Variants in RBM25 observed in about 807,000 individuals in gnomAD.
The protein encoded by RBM25 is RNA-binding protein 25.
Under a neutral mutation model 120.7 loss-of-function variants are expected in RBM25, and 19 were observed. That is an observed-to-expected ratio of 0.16 (90% CI 0.11 to 0.23). The LOEUF (loss-of-function observed/expected upper bound fraction) is 0.23. Among genes scored for constraint, RBM25 ranks in the 10% least tolerant of loss-of-function variants. The probability of loss-of-function intolerance (pLI) is 1.00; values close to 1 mark genes in which losing one functional copy is unlikely to be tolerated. For synonymous variants in RBM25, 390 were observed against 326.7 expected, an observed-to-expected ratio of 1.19 and a Z score of -2.09; for missense variants, 605 against 1,041.5, an observed-to-expected ratio of 0.58 and a Z score of 5.77.
At chr14:73,059,585 G>C (rs771366843) in intron 1 of RBM25, among the ~76,000 whole-genome samples, 18 of 152,138 alleles carry the variant, frequency 1.2e-4, no homozygotes, top group Non-Finnish European at 2.6e-4. Flanking sequence ...TTGGACCTCT[G>C]TTGCACCCTA....
intron 1 of RBM25, among the ~76,000 whole-genome samples, chr14:73,059,042 T>C (rs1399326944): frequency 6.6e-6 from 1 of 152,050 alleles, no homozygotes; most frequent in Non-Finnish European, 1.5e-5. Context: ...TACAAAACGA[T>C]CGATCTGCCC....
At chr14:73,069,762 A>T (rs1329583040) in intron 1 of RBM25, 2 of 133,716 alleles carry the variant, frequency 1.5e-5, no homozygotes, top group African/African-American at 6.7e-5. Flanking sequence ...AAAAAAAAAA[A>T]AAAAAAAAAA....
At chr14:73,074,636 G>C (rs927424276) in intron 2 of RBM25, among the ~76,000 whole-genome samples, 2 of 152,112 alleles carry the variant, frequency 1.3e-5, no homozygotes, top group African/African-American at 2.4e-5. Flanking sequence ...GATGGTTATG[G>C]AGAATCTGTG....
chr14:73,080,965 T>C (rs1594907107), intron 4 of RBM25, among the ~76,000 whole-genome samples: 1 of 150,184 alleles, frequency 6.7e-6, no homozygotes, highest in African/African-American at 2.5e-5. Context: ...GCTGGGATTA[T>C]GGATGCCTGC....
At chr14:73,095,606 C>CAAA (rs202107039) in intron 6 of RBM25, among the ~76,000 whole-genome samples, 1 of 128,808 alleles carries the variant, frequency 7.8e-6, no homozygotes. Flanking sequence ...GACTCCGCCT[C>CAAA]AAAAAAAAAA....
Position 73,062,671 on chromosome 14 carries a change from C to G in RBM25, c.-16+3966C>G, listed in dbSNP as rs1405665791. 3.3e-5 allele frequency among the ~76,000 whole-genome samples: 5 copies of G among 151,340 alleles called. 1 individual carries two copies. Among genetic ancestry groups the G allele is most frequent in the Admixed American group, 6.6e-5 (1 of 15,162 alleles). On this transcript the variant is annotated intron_variant, in intron 1 of 18. Coordinates refer to ENST00000261973, the MANE Select transcript of RBM25 (RefSeq NM_021239.3). Reference sequence around the variant, plus strand: ...CATATGTTGAGTACTAGAGATATGTCTTCAGGGTTTCTTTTTGGACCAGAT... The same window carrying G: ...CATATGTTGAGTACTAGAGATATGTGTTCAGGGTTTCTTTTTGGACCAGAT...
At position 73,065,429 on chromosome 14, in the gene RBM25, AT is replaced by A. The variant is rs112029341; in HGVS notation, c.-15-6184del. On this transcript the variant is annotated intron_variant, in intron 1 of 18. Coordinates refer to ENST00000261973, the MANE Select transcript of RBM25 (RefSeq NM_021239.3). ...AGGGGTGAGCCACTGTGCCCAGCTA[AT>A]TTTTTTTTTTTTTGAAACTGAGTCT... is the stretch of plus-strand genomic sequence containing the variant. 6.8e-3 allele frequency among the ~76,000 whole-genome samples: 906 copies of A among 133,804 alleles called. 6 individuals carry two copies. The highest frequency in any genetic ancestry group is 0.018 in the African/African-American group (636 of 36,306). 87.8% of individuals were successfully genotyped at this position (133,804 alleles called of 152,430 possible).
Position 73,121,236 on chromosome 14 carries a change from A to T in RBM25, c.*1431A>T, listed in dbSNP as rs1896536121. 1 of 152,562 alleles carries T rather than the reference A, an allele frequency of 6.6e-6. No individual in the cohort carries two copies. The highest frequency in any genetic ancestry group is 6.5e-5 in the Admixed American group (1 of 15,274). The allele number at this position is 152,562 out of a possible 1,614,324, so 9.5% of individuals were successfully genotyped here. A position where few individuals can be genotyped will look rare whatever the true frequency, so the allele number is the denominator to read the frequency against. On this transcript the variant is annotated 3_prime_UTR_variant, in exon 19 of 19. Transcript: ENST00000261973. ...AAACACACCTGGAGAGGACATTTGA[A>T]AACACTGTTCTTACCCTCGAACCCT...
At chr14:73,081,648 G>A (rs200875189) in intron 4 of RBM25, among the ~76,000 whole-genome samples, 4 of 152,160 alleles carry the variant, frequency 2.6e-5, no homozygotes, top group African/African-American at 9.7e-5. Flanking sequence ...GTATATATGG[G>A]TATGTGGTTG....
rs532548947 is a variant in RBM25 at position 73,103,248 on chromosome 14, A to C, written c.924A>C (p.Glu308Asp). The change falls in exon 10 of 19, where the codon GAA becomes GAC. Residue 308 changes from glutamate to aspartate, a missense_variant. By Grantham distance (45) the Glu-to-Asp change is conservative. This residue lies in a region of RBM25 where 465 missense variants were observed against 741.6 expected (regional missense o/e 0.63). Transcript: ENST00000261973. ...AAGAAAGACAGGAAATTGAGAAAGAACGGAGAGAAAGAGAGAGGGAGCGTG... is the reference window on the plus strand; with the variant it reads ...AAGAAAGACAGGAAATTGAGAAAGACCGGAGAGAAAGAGAGAGGGAGCGTG... ...KEKERQEIEK[E>D]RRERERERER... 1 of 1,605,230 alleles carries C rather than the reference A, an allele frequency of 6.2e-7. No homozygotes were observed. Among genetic ancestry groups the C allele is most frequent in the East Asian group, 2.2e-5 (1 of 44,676 alleles).
chr14:73,063,384 C>T (rs796933342), intron 1 of RBM25, among the ~76,000 whole-genome samples: 2 of 151,092 alleles, frequency 1.3e-5, no homozygotes, highest in African/African-American at 4.8e-5. Flanking sequence ...CTCCTGACTT[C>T]GTGATCCACC....
Position 73,088,174 on chromosome 14 carries a change from T to C in RBM25, c.543+13T>C, listed in dbSNP as rs1895732873. The C allele has an allele frequency of 6.2e-7, 1 of 1,613,574 alleles. No homozygotes were observed. Among genetic ancestry groups the C allele is most frequent in the Admixed American group, 1.7e-5 (1 of 59,892 alleles). On this transcript the variant is annotated intron_variant, in intron 6 of 18. Coordinates refer to ENST00000261973, the MANE Select transcript of RBM25 (RefSeq NM_021239.3). ...AGCTTCTAATGGGGTATGTTTTCTG[T>C]CGTGTTATCTTTTCTAGGCCAGACT...
chr14:73,104,291 A>G (rs955541674), intron 10 of RBM25, among the ~76,000 whole-genome samples: 3 of 151,716 alleles, frequency 2.0e-5, no homozygotes, highest in Non-Finnish European at 2.9e-5. Flanking sequence ...TAAATTTACT[A>G]TCTACCTCTA....
In RBM25 at chr14:73,119,867, A is replaced by T. The variant is rs1896509447; in HGVS notation, c.*62A>T. The T allele has an allele frequency of 3.2e-6, 5 of 1,543,170 alleles. No individual in the cohort carries two copies. The highest frequency in any genetic ancestry group is 4.3e-6 in the Non-Finnish European group (5 of 1,156,714). Reference sequence around the variant, plus strand: ...CTTTGCCACCCTTTTAAGGACTTTGAATTTTTCTTTGTCTTTGAAGACATT... The same window carrying T: ...CTTTGCCACCCTTTTAAGGACTTTGTATTTTTCTTTGTCTTTGAAGACATT... On this transcript the variant is annotated 3_prime_UTR_variant, in exon 19 of 19. Coordinates refer to ENST00000261973, the MANE Select transcript of RBM25 (RefSeq NM_021239.3).
In RBM25 at chr14:73,120,080, C is replaced by G; in HGVS notation, c.*275C>G. On this transcript the variant is annotated 3_prime_UTR_variant, in exon 19 of 19. Transcript: ENST00000261973. ...CTGTACACAGCCTATCTGATATAAT[C>G]TTGTTCTGCTGATTTGTTTCTTGTA... The G allele has an allele frequency of 8.4e-6, 2 of 239,094 alleles. No homozygotes were observed. The highest frequency in any genetic ancestry group is 1.6e-5 in the Non-Finnish European group (2 of 126,878). The allele number at this position is 239,094 out of a possible 1,614,324, so 14.8% of individuals were successfully genotyped here. A position where few individuals can be genotyped will look rare whatever the true frequency, so the allele number is the denominator to read the frequency against.
intron 6 of RBM25, among the ~76,000 whole-genome samples, chr14:73,094,808 G>A (rs913263400): frequency 1.5e-4 from 17 of 114,668 alleles, no homozygotes; most frequent in Non-Finnish European, 3.6e-5. Flanking sequence ...TTACAGGAGC[G>A]AGGTGTGTGT....
At chr14:73,094,175 G>A (rs546755379) in intron 6 of RBM25, among the ~76,000 whole-genome samples, 3 of 149,608 alleles carry the variant, frequency 2.0e-5, no homozygotes, top group Non-Finnish European at 4.5e-5. Flanking sequence ...GGATGGTCTC[G>A]ATCTCCTGAC....
chr14:73,076,152 C>G (rs914694353), intron 2 of RBM25, among the ~76,000 whole-genome samples, 167 bp from the exon 3 acceptor site: 25 of 152,176 alleles, frequency 1.6e-4, no homozygotes, highest in African/African-American at 5.8e-4. Flanking sequence ...ATGGACCAAC[C>G]TGATACCACA....
rs771203259 is a variant in RBM25, at chr14:73,071,660, T to G, written c.19T>G (p.Leu7Val). MSFPPH[L>V]NRPPMGIPAL... ...AGTAAGAATGTCTTTTCCACCTCATTTGAATCGCCCTCCCATGGGAATCCC... is the reference window on the plus strand; with the variant it reads ...AGTAAGAATGTCTTTTCCACCTCATGTGAATCGCCCTCCCATGGGAATCCC... The change falls in exon 2 of 19, where the codon TTG (leucine) becomes GTG (valine). Residue 7 changes from leucine (L) to valine (V), a missense_variant. Leu to Val is a conservative substitution (Grantham distance 32, BLOSUM62 1). Coordinates refer to ENST00000261973, the MANE Select transcript of RBM25 (RefSeq NM_021239.3). 4 of 1,613,768 alleles carry G rather than the reference T, an allele frequency of 2.5e-6. No homozygotes were observed. The highest frequency in any genetic ancestry group is 3.4e-6 in the Non-Finnish European group (4 of 1,179,752).
Sources: gnomAD v4.1 joint callset for allele counts (sites outside exome capture counted in the v4.1 genomes callset) on GRCh38, gnomAD v4.1.1 for gene constraint, gnomAD v4.1.1 regional missense constraint, MANE v1.5 for transcripts, NCBI Gene and HGNC (gene_info 2026-07-23, HGNC 2026-07-21) for gene names.